RARB: variants seen among roughly 807,000 people sequenced by gnomAD.
RARB encodes HBV-activated protein.
RARB carries 17 observed loss-of-function variants against 51.9 expected under a neutral mutation model. The observed-to-expected ratio is 0.33, with a 90% CI of 0.22 to 0.49. The LOEUF is 0.49. RARB is among the 20% of genes least tolerant of loss of function. The pLI, the probability that RARB is intolerant of heterozygous loss-of-function variation, is 0.99. For missense variants in RARB, 369 were observed against 550.8 expected (o/e 0.67, Z 3.30); for synonymous variants, 215 against 195.4 (o/e 1.10, Z -0.84).
At position 25,569,981 on chromosome 3, in the gene RARB, GAC is replaced by G. The variant is rs56255512; in HGVS notation, c.609+102_609+103del. The G allele has an allele frequency of 0.37, 388,971 of 1,046,028 alleles. 25,775 individuals are homozygous for G. Among genetic ancestry groups the G allele is most frequent in the East Asian group, 0.42 (14,676 of 34,878 alleles). 64.8% of individuals were successfully genotyped at this position (1,046,028 alleles called of 1,614,324 possible). ...GAAACCTTGTACGTGCATGTGTGCA[GAC>G]ACACACACACACACACACACACACA... On this transcript the variant is annotated intron_variant, in intron 4 of 7. Coordinates refer to ENST00000330688, the MANE Select transcript of RARB (RefSeq NM_000965.5).
At chr3:25,470,014 C>T (rs1176161811) in intron 2 of RARB, among the ~76,000 whole-genome samples, 1 of 152,146 alleles carries the variant, frequency 6.6e-6, no homozygotes, top group Non-Finnish European at 1.5e-5. Flanking sequence ...GTGTTCAGTT[C>T]CGGAGGCCGT....
chr3:24,930,973 G>A (rs376786511), intron 2 of RARB, among the ~76,000 whole-genome samples: 16 of 152,162 alleles, frequency 1.1e-4, no homozygotes, highest in African/African-American at 1.7e-4. Flanking sequence ...TTATTGTGCC[G>A]TTGCACTCCA....
intron 3 of RARB, among the ~76,000 whole-genome samples, chr3:25,104,115 G>T (rs1004803731): frequency 6.6e-6 from 1 of 152,108 alleles, no homozygotes; most frequent in South Asian, 2.1e-4. Context: ...ATATCAAAAA[G>T]TGTCACTCTG....
chr3:25,228,007 G>A (rs370301344), intron 5 of RARB, among the ~76,000 whole-genome samples: 42 of 152,076 alleles, frequency 2.8e-4, no homozygotes, highest in African/African-American at 8.4e-4. Flanking sequence ...GAAGTTTGAG[G>A]CCAGCCTGAG....
At chr3:25,579,179 T>C (rs1387693929) in intron 4 of RARB, among the ~76,000 whole-genome samples, 1 of 152,252 alleles carries the variant, frequency 6.6e-6, no homozygotes, top group Non-Finnish European at 1.5e-5. Flanking sequence ...ACCATGCAAT[T>C]GGTTGTCAGT....
At chr3:25,440,837 T>G (rs1023541907) in intron 1 of RARB, among the ~76,000 whole-genome samples, 4 of 152,088 alleles carry the variant, frequency 2.6e-5, no homozygotes, top group African/African-American at 9.7e-5. Flanking sequence ...TTTAACAGAT[T>G]TATTTATAAT....
intron 2 of RARB, among the ~76,000 whole-genome samples, chr3:24,926,477 T>G (rs1695324343): frequency 1.3e-5 from 2 of 152,106 alleles, no homozygotes; most frequent in African/African-American, 2.4e-5. Context: ...AGTTGAGAAG[T>G]GGAACCATTA....
chr3:24,948,643 C>T (rs531511661), intron 2 of RARB, among the ~76,000 whole-genome samples: 5 of 152,260 alleles, frequency 3.3e-5, no homozygotes, highest in South Asian at 4.2e-4. Flanking sequence ...TTGTCCCCTC[C>T]GAATCTCATG....
chr3:25,305,569 G>A (rs1002766392), intron 5 of RARB, among the ~76,000 whole-genome samples: 1 of 152,144 alleles, frequency 6.6e-6, no homozygotes, highest in Non-Finnish European at 1.5e-5. Context: ...AATGAATTGT[G>A]GTCTTGCCCA....
intron 2 of RARB, among the ~76,000 whole-genome samples, chr3:25,484,719 G>A (rs1696380201): frequency 6.6e-6 from 1 of 152,096 alleles, no homozygotes; most frequent in African/African-American, 2.4e-5. Flanking sequence ...TTGAGTATTT[G>A]CAGCTAAGTC....
At chr3:24,894,374 T>G (rs1703441176) in intron 2 of RARB, among the ~76,000 whole-genome samples, 1 of 151,896 alleles carries the variant, frequency 6.6e-6, no homozygotes, top group Non-Finnish European at 1.5e-5. Context: ...TATTTAGTTT[T>G]CTGTTCCTAT....
intron 5 of RARB, among the ~76,000 whole-genome samples, chr3:25,210,559 T>A (rs7651020): frequency 0.6 from 27,629 of 46,016 alleles, 9,177 homozygotes; most frequent in Non-Finnish European, 0.65. Flanking sequence ...TTTTTGAGAT[T>A]GAGTCTCACT....
chr3:25,178,572 T>A (rs1700802096), intron 5 of RARB, among the ~76,000 whole-genome samples: 1 of 151,904 alleles, frequency 6.6e-6, no homozygotes, highest in Non-Finnish European at 1.5e-5. Context: ...TTTTGGGCAA[T>A]GAGGCCAGCA....
intron 2 of RARB, among the ~76,000 whole-genome samples, chr3:25,488,457 A>C (rs1696571845): frequency 6.6e-6 from 1 of 152,178 alleles, no homozygotes; most frequent in South Asian, 2.1e-4. Context: ...GTCCTTCTGG[A>C]GAAAATGAGA....
At chr3:25,124,501 T>A (rs1352788656) in intron 3 of RARB, among the ~76,000 whole-genome samples, 1 of 152,204 alleles carries the variant, frequency 6.6e-6, no homozygotes, top group Non-Finnish European at 1.5e-5. Context: ...CTGGGAATTT[T>A]ATGGAATGTA....
chr3:25,580,097 G>A (rs879924180), intron 4 of RARB, among the ~76,000 whole-genome samples: 2 of 152,206 alleles, frequency 1.3e-5, no homozygotes, highest in South Asian at 4.1e-4. Context: ...GAATCCGACC[G>A]GACACAGTGG....
At chr3:25,344,231 T>C (rs1250887766) in intron 5 of RARB, among the ~76,000 whole-genome samples, 1 of 152,236 alleles carries the variant, frequency 6.6e-6, no homozygotes, top group Non-Finnish European at 1.5e-5. Context: ...TTTTGAGTTA[T>C]TTCAAGAAGA....
chr3:25,220,691 A>G (rs188975098), intron 5 of RARB, among the ~76,000 whole-genome samples: 2 of 152,302 alleles, frequency 1.3e-5, no homozygotes, highest in Non-Finnish European at 2.9e-5. Context: ...GCCTTCCACC[A>G]TGATTGTAAG....
chr3:25,473,491 G>C (rs11715516), intron 2 of RARB, among the ~76,000 whole-genome samples: 126,074 of 152,044 alleles, frequency 0.83, 52,446 homozygotes, highest in Middle Eastern at 0.95. Flanking sequence ...ATTTCTGGCA[G>C]CAGTTCTGTG....
Sources: gnomAD v4.1 joint callset for allele counts (sites outside exome capture counted in the v4.1 genomes callset) on GRCh38, gnomAD v4.1.1 for gene constraint, MANE v1.5 for transcripts, NCBI Gene and HGNC (gene_info 2026-07-23, HGNC 2026-07-21) for gene names.